Variants in NR3C1 observed in about 807,000 individuals in gnomAD.
NR3C1 encodes nuclear receptor subfamily 3 group C member 1, also known as glucocorticoid receptor.
Under a neutral mutation model 74.0 loss-of-function variants are expected in NR3C1, and 14 were observed. The ratio of observed to expected loss-of-function variants is 0.19; its 90% CI spans 0.12 to 0.30. The LOEUF is 0.30. NR3C1 is among the 10% of genes least tolerant of loss of function. The pLI is 1.00. For synonymous variants in NR3C1, 308 were observed against 332.5 expected (o/e 0.93, Z 0.80); for missense variants, 695 against 909.8 (o/e 0.76, Z 3.04).
In NR3C1 at chr5:143,302,116, T is replaced by C. The variant is rs1033208410; in HGVS notation, c.1469-1353A>G. ...GGTTCTGCCATGTTGTAGCTGGATATCTGTGCAAGTTACTCCCTGACTCTT... is the reference window on the plus strand; with the variant it reads ...GGTTCTGCCATGTTGTAGCTGGATACCTGTGCAAGTTACTCCCTGACTCTT... On this transcript the variant is annotated intron_variant, in intron 4 of 8. Coordinates refer to ENST00000394464, the MANE Select transcript of NR3C1 (RefSeq NM_000176.3). 2.6e-5 allele frequency among the ~76,000 whole-genome samples: 4 copies of C among 152,092 alleles called. No homozygotes were observed. The East Asian group carries it at 7.7e-4, about 29-fold the overall frequency.
chr5:143,404,571 C>T, upstream of NR3C1: 8 of 955,052 alleles, frequency 8.4e-6, no homozygotes, highest in Non-Finnish European at 9.8e-6. Context: ...CAGAAGGAGG[C>T]GCCGCCTGCC....
Position 143,279,006 on chromosome 5 carries a change from T to C in NR3C1, c.*2883A>G, listed in dbSNP as rs958987557. 7.8e-6 allele frequency: 2 copies of C among 256,424 alleles called. No homozygotes were observed. Among genetic ancestry groups the C allele is most frequent in the Non-Finnish European group, 1.5e-5 (2 of 135,854 alleles). The allele number at this position is 256,424 out of a possible 1,614,324, so 15.9% of individuals were successfully genotyped here. On this transcript the variant is annotated 3_prime_UTR_variant, in exon 9 of 9. Transcript: ENST00000394464. ...TCTGCTTGTATAGTATCCCACAGAA[T>C]ACCTACAAACACTAAAAATACTTTT...
intron 3 of NR3C1, among the ~76,000 whole-genome samples, chr5:143,311,902 A>G (rs1821064232): frequency 6.7e-6 from 1 of 149,212 alleles, no homozygotes; most frequent in African/African-American, 2.5e-5. Flanking sequence ...AATTGCTGGG[A>G]TAATAGGTGT....
chr5:143,368,334 T>C (rs1833633834), intron 2 of NR3C1, among the ~76,000 whole-genome samples: 1 of 152,166 alleles, frequency 6.6e-6, no homozygotes, highest in Non-Finnish European at 1.5e-5. Context: ...CAGGCAACTT[T>C]TTAAAGATAC....
At chr5:143,297,733 G>A (rs1174735865) in intron 6 of NR3C1, among the ~76,000 whole-genome samples, 2 of 152,180 alleles carry the variant, frequency 1.3e-5, no homozygotes, top group African/African-American at 4.8e-5. Context: ...GGTACGAAAA[G>A]TAGTAATACA....
chr5:143,433,866 A>G (rs1488497750), intron 1 of NR3C1: 1 of 152,416 alleles, frequency 6.6e-6, no homozygotes, highest in East Asian at 1.9e-4. Context: ...TGGAACCTTC[A>G]GCAGTTCCTC....
intron 2 of NR3C1, among the ~76,000 whole-genome samples, chr5:143,336,992 T>C (rs1472567499): frequency 6.6e-6 from 1 of 151,770 alleles, no homozygotes; most frequent in Non-Finnish European, 1.5e-5. Context: ...AATACATACA[T>C]ACATATACAT....
At chr5:143,352,218 C>T (rs1219400014) in intron 2 of NR3C1, among the ~76,000 whole-genome samples, 1 of 152,076 alleles carries the variant, frequency 6.6e-6, no homozygotes, top group East Asian at 1.9e-4. Flanking sequence ...GTCTGCTTGT[C>T]TTGGTACTAC....
chr5:143,366,664 T>C (rs1319868840), intron 2 of NR3C1, among the ~76,000 whole-genome samples: 1 of 152,008 alleles, frequency 6.6e-6, no homozygotes, highest in East Asian at 1.9e-4. Flanking sequence ...AAAATAAGAT[T>C]ATAAAGGAAT....
Position 143,280,589 on chromosome 5 carries a change from A to G in NR3C1, c.*1300T>C, listed in dbSNP as rs912111973. 1 of 152,638 alleles carries G rather than the reference A, an allele frequency of 6.6e-6. No individual in the cohort carries two copies. Among genetic ancestry groups the G allele is most frequent in the African/African-American group, 2.4e-5 (1 of 41,460 alleles). 9.5% of individuals were successfully genotyped at this position (152,638 alleles called of 1,614,324 possible). On this transcript the variant is annotated 3_prime_UTR_variant, in exon 9 of 9. Transcript: ENST00000394464. ...TGAAGAAATTCACAGGACTTGTGTT[A>G]AACTCTATGGCACACATTAGGGATG...
Position 143,374,218 on chromosome 5 carries a change from T to C in NR3C1, c.1184+25438A>G, listed in dbSNP as rs181084730. Among the ~76,000 whole-genome samples the C allele has an allele frequency of 4.4e-3, 670 of 151,682 alleles. 2 individuals carry two copies. The highest frequency in any genetic ancestry group is 0.015 in the African/African-American group (637 of 41,350). On this transcript the variant is annotated intron_variant, in intron 2 of 8. Coordinates refer to ENST00000394464, the MANE Select transcript of NR3C1 (RefSeq NM_000176.3). ...AAAACATAGTGAGTAAAGGGCCGGGTGTGGTGGCTCACGCCTGTAATCCCA... is the reference window on the plus strand; with the variant it reads ...AAAACATAGTGAGTAAAGGGCCGGGCGTGGTGGCTCACGCCTGTAATCCCA...
intron 2 of NR3C1, among the ~76,000 whole-genome samples, chr5:143,345,182 G>T (rs1179455214): frequency 6.6e-6 from 1 of 152,122 alleles, no homozygotes; most frequent in Admixed American, 6.5e-5. Flanking sequence ...GAACTGGAAT[G>T]AACACATTGG....
At chr5:143,322,872 C>A (rs1823671714) in intron 2 of NR3C1, among the ~76,000 whole-genome samples, 1 of 152,142 alleles carries the variant, frequency 6.6e-6, no homozygotes. Context: ...AGACAAGTTT[C>A]TTTTGCTATC....
chr5:143,364,834 C>T (rs887360345), intron 2 of NR3C1, among the ~76,000 whole-genome samples: 3 of 151,946 alleles, frequency 2.0e-5, no homozygotes, highest in Non-Finnish European at 4.4e-5. Context: ...GCCTCTCAAG[C>T]ATCTGGGACT....
intron 2 of NR3C1, among the ~76,000 whole-genome samples, chr5:143,325,247 C>T (rs541309035): frequency 1.1e-4 from 16 of 152,100 alleles, no homozygotes; most frequent in African/African-American, 3.9e-4. Flanking sequence ...AGAATCATGG[C>T]GGGAGGCAAA....
At chr5:143,348,879 G>A (rs1468364713) in intron 2 of NR3C1, among the ~76,000 whole-genome samples, 1 of 152,110 alleles carries the variant, frequency 6.6e-6, no homozygotes, top group East Asian at 1.9e-4. Flanking sequence ...AGGTCTTACT[G>A]TATTTGTAAA....
chr5:143,315,080 T>C (rs532074217), intron 2 of NR3C1, among the ~76,000 whole-genome samples: 3 of 152,266 alleles, frequency 2.0e-5, no homozygotes, highest in South Asian at 2.1e-4. Context: ...TCAAAAAAAA[T>C]TGGAAAGAAT....
rs10482651 is a variant in NR3C1, at chr5:143,327,114, G to A, written c.1185-12946C>T. Among the ~76,000 whole-genome samples the A allele has an allele frequency of 1.2e-4, 19 of 152,208 alleles. No individual in the cohort carries two copies. The East Asian group carries it at 1.5e-3, about 12-fold the overall frequency. ...CTATCTGAGACTGGGTAATTTATAC[G>A]GAAAGGAGGTTTAATTGACTCACAG... On this transcript the variant is annotated intron_variant, in intron 2 of 8. Coordinates refer to ENST00000394464, the MANE Select transcript of NR3C1 (RefSeq NM_000176.3).
chr5:143,282,030 A>AT lies in NR3C1; in HGVS notation c.2192dup (p.Asn731LysfsTer4). ...ATGTTTGGAAGCAATAGTTAAGGAG[A>AT]TTTTCAACCACCTGCAAGAGAAGAT... On this transcript the variant is annotated frameshift_variant, in exon 9 of 9. Transcript: ENST00000394464. LOFTEE classifies it high-confidence loss of function. 6.2e-7 allele frequency: 1 copy of AT among 1,613,502 alleles called. No homozygotes were observed. Among genetic ancestry groups the AT allele is most frequent in the Non-Finnish European group, 8.5e-7 (1 of 1,179,712 alleles).
Sources: allele counts gnomAD v4.1 joint callset (sites outside exome capture counted in the v4.1 genomes callset), GRCh38; gene constraint gnomAD v4.1.1; transcripts MANE v1.5; gene names NCBI Gene and HGNC (gene_info 2026-07-23, HGNC 2026-07-21).